EPM2A: variants seen among roughly 807,000 people sequenced by gnomAD.
The protein encoded by EPM2A is laforin.
EPM2A carries 21 observed loss-of-function variants against 26.5 expected under a neutral mutation model. The ratio of observed to expected loss-of-function variants is 0.79; its 90% CI spans 0.56 to 1.14. The LOEUF is 1.14. Among genes scored for constraint, EPM2A ranks in the 50% most tolerant of loss-of-function variants. The pLI, the probability that EPM2A is intolerant of heterozygous loss-of-function variation, is 0.00. For missense variants in EPM2A, 458 were observed against 440.8 expected (o/e 1.04, Z -0.35); for synonymous variants, 217 against 177.6 (o/e 1.22, Z -1.76).
chr6:145,556,515 T>C (rs1780729937), intron 2 of EPM2A, among the ~76,000 whole-genome samples: 1 of 152,082 alleles, frequency 6.6e-6, no homozygotes, highest in Non-Finnish European at 1.5e-5. Flanking sequence ...TTTAGAGCTC[T>C]GGGAAGTGAA....
chr6:145,729,603 G>A (rs1421418422), intron 1 of EPM2A, among the ~76,000 whole-genome samples: 1 of 148,136 alleles, frequency 6.8e-6, no homozygotes, highest in Non-Finnish European at 1.5e-5. Context: ...TTTTGGAATG[G>A]GAGTACTTAG....
At chr6:145,715,613 A>G (rs921684022) in intron 1 of EPM2A, among the ~76,000 whole-genome samples, 4 of 152,178 alleles carry the variant, frequency 2.6e-5, no homozygotes, top group Non-Finnish European at 5.9e-5. Flanking sequence ...GCAAAGCTTC[A>G]TCTGTATTTA....
At chr6:145,465,062 C>G (rs1025351877) in intron 4 of EPM2A, among the ~76,000 whole-genome samples, 1 of 151,914 alleles carries the variant, frequency 6.6e-6, no homozygotes, top group African/African-American at 2.4e-5. Context: ...TAATATCCTG[C>G]AGAGTGTTTT....
chr6:145,472,461 T>C (rs1562348818), intron 4 of EPM2A, among the ~76,000 whole-genome samples: 1 of 152,022 alleles, frequency 6.6e-6, no homozygotes, highest in East Asian at 1.9e-4. Context: ...AGCAGGGTCA[T>C]GGGGTCCCTA....
Position 145,422,673 on chromosome 6 carries a change from A to G in EPM2A, c.556-38576T>C, listed in dbSNP as rs140962956. On this transcript the variant is annotated intron_variant, in intron 4 of 4. Coordinates refer to the EPM2A transcript ENST00000638717. ...GGTTTTCAGCTACTACCCCAACTCT[A>G]TTACCACCATTTTTATATGTGAAAT... Among the ~76,000 whole-genome samples the G allele has an allele frequency of 4.0e-3, 609 of 152,080 alleles. 2 individuals are homozygous for G. The highest frequency in any genetic ancestry group is 0.014 in the African/African-American group (577 of 41,528).
intron 2 of EPM2A, among the ~76,000 whole-genome samples, chr6:145,574,662 G>A (rs1488783541): frequency 6.6e-6 from 1 of 152,126 alleles, no homozygotes; most frequent in African/African-American, 2.4e-5. Context: ...TAAGCCTTTG[G>A]ATCCCTTCCT....
chr6:145,539,001 G>A (rs1780471487), intron 2 of EPM2A, among the ~76,000 whole-genome samples: 1 of 152,138 alleles, frequency 6.6e-6, no homozygotes, highest in Non-Finnish European at 1.5e-5. Context: ...ACCCTCAGAG[G>A]CCAGGCACAG....
intron 3 of EPM2A, chr6:145,633,998 T>A (rs1014670728): frequency 1.2e-4 from 19 of 152,240 alleles, no homozygotes; most frequent in African/African-American, 4.6e-4. Flanking sequence ...CTGCCTGGAG[T>A]CTTATTATGA....
At chr6:145,576,372 C>A in intron 2 of EPM2A, among the ~76,000 whole-genome samples, 1 of 62,744 alleles carries the variant, frequency 1.6e-5, no homozygotes, top group South Asian at 8.7e-4. Flanking sequence ...GGAAATGAGG[C>A]CTTAGGGGCA....
intron 2 of EPM2A, chr6:145,680,034 A>T (rs898106096): frequency 1.3e-5 from 2 of 152,196 alleles, no homozygotes; most frequent in African/African-American, 4.8e-5. Flanking sequence ...GATAATACCT[A>T]GATCTAAAAC....
chr6:145,461,614 A>G (rs1387989128), intron 4 of EPM2A, among the ~76,000 whole-genome samples: 2 of 152,204 alleles, frequency 1.3e-5, no homozygotes, highest in African/African-American at 4.8e-5. Context: ...GTCTAAAGAG[A>G]AAAGGCCTCT....
In EPM2A at chr6:145,436,207, A is replaced by G. The variant is rs73559159; in HGVS notation, c.556-52110T>C. 3.6e-3 allele frequency among the ~76,000 whole-genome samples: 545 copies of G among 152,304 alleles called. 1 individual carries two copies. The highest frequency in any genetic ancestry group is 0.012 in the African/African-American group (509 of 41,548). On this transcript the variant is annotated intron_variant, in intron 4 of 4. Coordinates refer to the EPM2A transcript ENST00000638717. ...TTATTTTTAAGGCCAAATATGTTGCATTGTACAGATATATCACATATTGTT... is the reference window on the plus strand; with the variant it reads ...TTATTTTTAAGGCCAAATATGTTGCGTTGTACAGATATATCACATATTGTT...
rs146348009 is a variant in EPM2A, at chr6:145,641,049, A to C, written c.477-5563T>G. 3 of 152,346 alleles carry C rather than the reference A, an allele frequency of 2.0e-5. No individual in the cohort carries two copies. In the East Asian group the frequency reaches 5.8e-4, roughly 29 times the overall value. 9.4% of individuals were successfully genotyped at this position (152,346 alleles called of 1,614,324 possible). A position where few individuals can be genotyped will look rare whatever the true frequency, so the allele number is the denominator to read the frequency against. ...TTTCTGTAAGTCCAGTTCATTTCTTACATTTTGGGGATGTACTGTGTAGTT... is the reference window on the plus strand; with the variant it reads ...TTTCTGTAAGTCCAGTTCATTTCTTCCATTTTGGGGATGTACTGTGTAGTT... On this transcript the variant is annotated intron_variant, in intron 2 of 3. Coordinates refer to ENST00000367519, the MANE Select transcript of EPM2A (RefSeq NM_005670.4).
intron 2 of EPM2A, among the ~76,000 whole-genome samples, chr6:145,541,250 T>C: frequency 6.6e-6 from 1 of 150,934 alleles, no homozygotes; most frequent in Non-Finnish European, 1.5e-5. Flanking sequence ...ATAACATACA[T>C]ACATATATAA....
At chr6:145,565,726 G>A (rs1780876039) in intron 2 of EPM2A, among the ~76,000 whole-genome samples, 1 of 152,156 alleles carries the variant, frequency 6.6e-6, no homozygotes, top group Non-Finnish European at 1.5e-5. Context: ...CTGGAAGAAA[G>A]GTGGGTATCA....
chr6:145,472,110 C>T (rs1434006950), intron 4 of EPM2A, among the ~76,000 whole-genome samples: 1 of 151,386 alleles, frequency 6.6e-6, no homozygotes, highest in African/African-American at 2.4e-5. Flanking sequence ...AGTCATGAGG[C>T]CCCCATTTCA....
At chr6:145,644,021 T>C (rs985332252) in intron 2 of EPM2A, among the ~76,000 whole-genome samples, 9 of 152,162 alleles carry the variant, frequency 5.9e-5, no homozygotes, top group Admixed American at 2.0e-4. Flanking sequence ...GTAACACCCA[T>C]GCTGCTGGCC....
chr6:145,475,248 A>C (rs1779526995), intron 4 of EPM2A, among the ~76,000 whole-genome samples: 1 of 152,212 alleles, frequency 6.6e-6, no homozygotes, highest in Non-Finnish European at 1.5e-5. Flanking sequence ...TAGATAAAGA[A>C]AATGTGGCAC....
intron 2 of EPM2A, among the ~76,000 whole-genome samples, chr6:145,569,589 T>C (rs1356654566): frequency 6.6e-6 from 1 of 152,238 alleles, no homozygotes; most frequent in East Asian, 1.9e-4. Context: ...TCTAAATGCA[T>C]TGTTTAAAAG....
Sources: gnomAD v4.1 joint callset for allele counts (sites outside exome capture counted in the v4.1 genomes callset) on GRCh38, gnomAD v4.1.1 for gene constraint, MANE v1.5 for transcripts, NCBI Gene and HGNC (gene_info 2026-07-23, HGNC 2026-07-21) for gene names.